The following LANCL2 variants were observed in gnomAD, a reference collection of about 807,000 sequenced individuals.
The protein encoded by LANCL2 is lanC-like protein 2.
Under a neutral mutation model 56.9 loss-of-function variants are expected in LANCL2, and 33 were observed. The ratio of observed to expected loss-of-function variants is 0.58; its 90% confidence interval spans 0.44 to 0.78. LANCL2 has a LOEUF of 0.78. Ranked by LOEUF, LANCL2 falls within the 30% of genes least tolerant of loss-of-function variation. The pLI is 0.00. For synonymous variants in LANCL2, 233 were observed against 228.2 expected, an observed-to-expected ratio of 1.02 and a Z score of -0.19; for missense variants, 562 against 580.2, an observed-to-expected ratio of 0.97 and a Z score of 0.32.
intron 1 of LANCL2, among the ~76,000 whole-genome samples, chr7:55,375,430 A>C (rs4948018): frequency 0.36 from 54,892 of 152,030 alleles, 10,429 homozygotes; most frequent in East Asian, 0.55. Flanking sequence ...TCAGCACAGA[A>C]TGCCCCCCTG....
chr7:55,366,868 C>A (rs1249538612), intron 1 of LANCL2, among the ~76,000 whole-genome samples: 2 of 152,156 alleles, frequency 1.3e-5, no homozygotes, highest in African/African-American at 2.4e-5. Flanking sequence ...TAGGCAGAAC[C>A]AAGAGCGGCA....
Position 55,366,083 on chromosome 7 carries a change from G to T in LANCL2, c.58G>T (p.Glu20Ter). The T allele has an allele frequency of 6.5e-7, 1 of 1,536,558 alleles. No individual in the cohort carries two copies. Among genetic ancestry groups the T allele is most frequent in the Non-Finnish European group, 8.8e-7 (1 of 1,138,016 alleles). Residue 20 changes from glutamate (E) to a stop codon, truncating the protein, a stop_gained, in exon 1 of 9, where the codon GAG becomes TAG. Transcript: ENST00000254770. LOFTEE classifies it high-confidence loss of function. ...KLHLGGEAEM[E>*]ERAFVNPFPD... ...CCACCTGGGAGGGGAGGCAGAAATG[G>T]AGGAACGGGCGTTCGTCAACCCCTT...
In LANCL2 at chr7:55,382,424, C is replaced by T. The variant is rs145260826; in HGVS notation, c.205-9369C>T. Among the ~76,000 whole-genome samples, 79 of 152,234 alleles carry T rather than the reference C, an allele frequency of 5.2e-4. No individual in the cohort carries two copies. In the East Asian group the frequency reaches 0.013, roughly 25 times the overall value. ...CAGTGTCCTGTGAGTTCTGCTTGCC[C>T]GCTGCCCACACAGAGCTGCCTTATC... On this transcript the variant is annotated intron_variant, in intron 1 of 8. Coordinates refer to ENST00000254770, the MANE Select transcript of LANCL2 (RefSeq NM_018697.4).
At chr7:55,390,116 A>G (rs1314049875) in intron 1 of LANCL2, among the ~76,000 whole-genome samples, 1 of 152,228 alleles carries the variant, frequency 6.6e-6, no homozygotes, top group Non-Finnish European at 1.5e-5. Context: ...TTTCTTTACA[A>G]TCTCACGGAA....
At chr7:55,369,974 A>G (rs958359733) in intron 1 of LANCL2, among the ~76,000 whole-genome samples, 1 of 152,196 alleles carries the variant, frequency 6.6e-6, no homozygotes, top group African/African-American at 2.4e-5. Context: ...TAGCATCTTT[A>G]TAAACACTTA....
chr7:55,428,542 AG>A (rs1790693576), intron 8 of LANCL2, 95 bp downstream of exon 8: 1 of 934,696 alleles, frequency 1.1e-6, no homozygotes, highest in African/African-American at 1.6e-5. Context: ...ACCTGGCTCA[AG>A]TAATACTTCC....
intron 5 of LANCL2, among the ~76,000 whole-genome samples, chr7:55,407,018 T>C (rs1488531193): frequency 6.6e-6 from 1 of 152,130 alleles, no homozygotes; most frequent in Non-Finnish European, 1.5e-5. Flanking sequence ...ATGTCCCCAG[T>C]AGGCATTGCC....
intron 1 of LANCL2, 67 bp from the exon 2 acceptor site, chr7:55,391,726 T>G: frequency 1.2e-6 from 1 of 866,146 alleles, no homozygotes; most frequent in Non-Finnish European, 1.9e-6. Context: ...ACTTAGACTT[T>G]AAAGTATTTA....
intron 7 of LANCL2, 91 bp from the exon 8 acceptor site, chr7:55,428,284 C>T: frequency 8.6e-7 from 1 of 1,159,368 alleles, no homozygotes. Flanking sequence ...GGGTCCACTT[C>T]CCTGATGCCT....
At chr7:55,366,254 G>C (rs1349381689) in intron 1 of LANCL2, 25 bp downstream of exon 1, 5 of 1,452,596 alleles carry the variant, frequency 3.4e-6, no homozygotes, top group Non-Finnish European at 4.6e-6. Context: ...TGGCCGCAGA[G>C]GCGCCGGAGG....
intron 1 of LANCL2, among the ~76,000 whole-genome samples, chr7:55,367,480 T>G (rs1406672338): frequency 6.6e-6 from 1 of 152,212 alleles, no homozygotes; most frequent in African/African-American, 2.4e-5. Flanking sequence ...ATCCCAGCAC[T>G]TTGGGAGGCC....
intron 5 of LANCL2, among the ~76,000 whole-genome samples, chr7:55,401,526 TTTTTTTTTTTTTTTTCCAATTTTC>T: frequency 1.2e-5 from 1 of 83,706 alleles, no homozygotes; most frequent in South Asian, 3.6e-4. Flanking sequence ...TTTTTTTTTT[TTTTTTTTTTTTTTTTCCAATTTTC>T]TTTTTTTTTT....
At chr7:55,412,545 A>T (rs1218680121) in intron 6 of LANCL2, among the ~76,000 whole-genome samples, 1 of 152,230 alleles carries the variant, frequency 6.6e-6, no homozygotes, top group African/African-American at 2.4e-5. Context: ...ACATAGTGGT[A>T]CTCAAATTTG....
In LANCL2 at chr7:55,366,249, G is replaced by C; in HGVS notation, c.204+20G>C. Reference sequence around the variant, plus strand: ...GGGAAGGTGAGTCGGCGGCCTGGCCGCAGAGGCGCCGGAGGGGGAGCGCGG... The same window carrying C: ...GGGAAGGTGAGTCGGCGGCCTGGCCCCAGAGGCGCCGGAGGGGGAGCGCGG... On this transcript the variant is annotated intron_variant, in intron 1 of 8. Coordinates refer to ENST00000254770, the MANE Select transcript of LANCL2 (RefSeq NM_018697.4). 2 of 1,466,326 alleles carry C rather than the reference G, an allele frequency of 1.4e-6. No individual in the cohort carries two copies. Among genetic ancestry groups the C allele is most frequent in the Non-Finnish European group, 1.8e-6 (2 of 1,099,894 alleles). The allele number at this position is 1,466,326 out of a possible 1,614,324, so 90.8% of individuals were successfully genotyped here. A position where few individuals can be genotyped will look rare whatever the true frequency, so the allele number is the denominator to read the frequency against.
At chr7:55,413,592 ATC>A (rs1790494456) in intron 6 of LANCL2, among the ~76,000 whole-genome samples, 1 of 152,216 alleles carries the variant, frequency 6.6e-6, no homozygotes, top group Non-Finnish European at 1.5e-5. Flanking sequence ...AGTGGCCACC[ATC>A]TGTTTTCACC....
intron 6 of LANCL2, among the ~76,000 whole-genome samples, chr7:55,422,454 T>C (rs551539662): frequency 6.6e-6 from 1 of 152,208 alleles, no homozygotes; most frequent in Non-Finnish European, 1.5e-5. Flanking sequence ...ATTTTGGGTT[T>C]TCAATAGTTT....
intron 6 of LANCL2, among the ~76,000 whole-genome samples, chr7:55,422,477 C>A (rs900207529): frequency 4.6e-5 from 7 of 152,154 alleles, no homozygotes; most frequent in African/African-American, 1.7e-4. Context: ...CTGTTACATG[C>A]CTAGATGTAT....
intron 5 of LANCL2, chr7:55,411,366 T>C (rs1790468526): frequency 6.6e-6 from 1 of 152,308 alleles, no homozygotes; most frequent in Non-Finnish European, 1.5e-5. Flanking sequence ...TTTCAGTTCG[T>C]AAAAGGCAGT....
chr7:55,412,056 G>C lies in LANCL2; in HGVS notation c.975G>C (p.Pro325=), dbSNP rs73698401. 3 of 1,613,930 alleles carry C rather than the reference G, an allele frequency of 1.9e-6. No individual in the cohort carries two copies. The highest frequency in any genetic ancestry group is 8.5e-7 in the Non-Finnish European group (1 of 1,179,982). ...DRLVHWCHGA[P]GVIHMLMQAY... is the part of the protein sequence containing the mutation. ...TGGTGCACTGGTGCCACGGCGCCCC[G>C]GGGGTCATCCACATGCTCATGCAGG... Residue 325 remains proline (P), a synonymous_variant, in exon 6 of 9, where the codon CCG becomes CCC. Transcript: ENST00000254770.
Sources: allele counts gnomAD v4.1 joint callset (sites outside exome capture counted in the v4.1 genomes callset), GRCh38; gene constraint gnomAD v4.1.1; transcripts MANE v1.5; gene names NCBI Gene and HGNC (gene_info 2026-07-23, HGNC 2026-07-21).